Variants in SPIRE2 observed in about 807,000 individuals in gnomAD.
The protein encoded by SPIRE2 is spire type actin nucleation factor 2.
SPIRE2 carries 76 observed loss-of-function variants against 80.7 expected under a neutral mutation model. The ratio of observed to expected loss-of-function variants is 0.94; its 90% CI spans 0.78 to 1.14. SPIRE2 has a LOEUF of 1.14. SPIRE2 is among the 50% of genes most tolerant of loss of function. SPIRE2 has a pLI of 0.00. For missense variants in SPIRE2, 1,196 were observed against 1,015.3 expected (o/e 1.18, Z -2.42); for synonymous variants, 535 against 432.6 (o/e 1.24, Z -2.94).
intron 2 of SPIRE2, among the ~76,000 whole-genome samples, chr16:89,847,584 C>G (rs2041575118): frequency 6.6e-6 from 1 of 152,176 alleles, no homozygotes; most frequent in Non-Finnish European, 1.5e-5. Context: ...ATCGCCCTGT[C>G]CCCAGGAAAG....
intron 10 of SPIRE2, among the ~76,000 whole-genome samples, chr16:89,861,456 C>T (rs1035381935): frequency 4.6e-5 from 7 of 152,204 alleles, no homozygotes; most frequent in Admixed American, 6.5e-5. Flanking sequence ...AGGCACTGTG[C>T]GTATCCCCAC....
chr16:89,869,031 T>TAAAAAAAAAAAAAAAAAA (rs766356633), intron 13 of SPIRE2, among the ~76,000 whole-genome samples: 1 of 23,972 alleles, frequency 4.2e-5, no homozygotes, highest in Non-Finnish European at 5.9e-5. Flanking sequence ...ATCTGTGTCT[T>TAAAAAAAAAAAAAAAAAA]AAAAAAAAAA....
chr16:89,869,054 ATATAT>A (rs1451105074), intron 13 of SPIRE2, among the ~76,000 whole-genome samples: 3 of 48,462 alleles, frequency 6.2e-5, no homozygotes, highest in African/African-American at 2.1e-4. Context: ...AAAAAAAAAA[ATATAT>A]ATATATATAT....
intron 9 of SPIRE2, among the ~76,000 whole-genome samples, 176 bp from the exon 10 acceptor site, chr16:89,860,507 G>T (rs1045638612): frequency 1.3e-5 from 2 of 151,992 alleles, no homozygotes; most frequent in Non-Finnish European, 2.9e-5. Flanking sequence ...GGTTCCACCC[G>T]CCTCGGCCTC....
chr16:89,859,007 C>T (rs976910336), intron 8 of SPIRE2, among the ~76,000 whole-genome samples, 158 bp from the exon 9 acceptor site: 10 of 152,176 alleles, frequency 6.6e-5, no homozygotes, highest in African/African-American at 2.2e-4. Context: ...GTGCTTGCCA[C>T]GAACTGTCCA....
At chr16:89,843,682 T>G (rs1248062867) in intron 1 of SPIRE2, among the ~76,000 whole-genome samples, 1 of 18,556 alleles carries the variant, frequency 5.4e-5, no homozygotes, top group Non-Finnish European at 8.8e-5. Flanking sequence ...TTTTTTTTTG[T>G]TTGTTTTTGT....
At chr16:89,851,051 C>T (rs572074756) in intron 3 of SPIRE2, among the ~76,000 whole-genome samples, 2 of 152,192 alleles carry the variant, frequency 1.3e-5, no homozygotes, top group South Asian at 2.1e-4. Flanking sequence ...GAACTCCTGA[C>T]CTCAGGTGAT....
At position 89,828,809 on chromosome 16, in the gene SPIRE2, G is replaced by A. The variant is rs1056604013; in HGVS notation, c.244+15G>A. ...CGAGGCCGCGGGTGAGGCCGGGGGCGGGGCAGCCGGCGGGGACCGCGGTCT... is the reference window on the plus strand; with the variant it reads ...CGAGGCCGCGGGTGAGGCCGGGGGCAGGGCAGCCGGCGGGGACCGCGGTCT... On this transcript the variant is annotated intron_variant, in intron 1 of 14. Transcript: ENST00000378247. The surrounding 1 kb of genome is among the most constrained non-coding windows in gnomAD (Gnocchi z 5.9). 55 of 1,176,690 alleles carry A rather than the reference G, an allele frequency of 4.7e-5. No individual in the cohort carries two copies. The African/African-American group carries it at 8.5e-4, about 18-fold the overall frequency. The allele number at this position is 1,176,690 out of a possible 1,614,324, so 72.9% of individuals were successfully genotyped here.
chr16:89,844,891 C>T (rs1409424123), intron 1 of SPIRE2, among the ~76,000 whole-genome samples: 1 of 152,210 alleles, frequency 6.6e-6, no homozygotes, highest in Non-Finnish European at 1.5e-5. Flanking sequence ...CCTCCTACTC[C>T]ACCTGCCCCT....
At chr16:89,866,382 C>G (rs987884681) in intron 12 of SPIRE2, among the ~76,000 whole-genome samples, 3 of 152,140 alleles carry the variant, frequency 2.0e-5, no homozygotes, top group African/African-American at 7.2e-5. Flanking sequence ...ACTGCAACCT[C>G]TGCCTCCCAG....
At chr16:89,829,447 T>C (rs1278293456) in intron 1 of SPIRE2, among the ~76,000 whole-genome samples, 1 of 152,242 alleles carries the variant, frequency 6.6e-6, no homozygotes, top group Non-Finnish European at 1.5e-5. Flanking sequence ...AAGTGATTTC[T>C]TCCCTGGAGA....
rs371048698 is a variant in SPIRE2 at position 89,869,686 on chromosome 16, C to T, written c.1922+4C>T. ...TCCAGAGAAGAGACATCTTTCAGTG[C>T]GTTCTTCGCCTTGCTGCTGATGTCA... is the stretch of plus-strand genomic sequence containing the variant. On this transcript the variant is annotated splice_donor_region_variant and intron_variant, in intron 14 of 14. Coordinates refer to ENST00000378247, the MANE Select transcript of SPIRE2 (RefSeq NM_032451.2). 4.2e-5 allele frequency: 68 copies of T among 1,604,234 alleles called. No homozygotes were observed. Among genetic ancestry groups the T allele is most frequent in the African/African-American group, 5.3e-5 (4 of 74,852 alleles).
Position 89,850,647 on chromosome 16 carries a change from GGGAGGCCAA to G in SPIRE2, c.638_645+1del, listed in dbSNP as rs750116921. The G allele has an allele frequency of 1.9e-5, 28 of 1,500,408 alleles. No homozygotes were observed. The highest frequency in any genetic ancestry group is 2.5e-5 in the Non-Finnish European group (28 of 1,131,110). 92.9% of individuals were successfully genotyped at this position (1,500,408 alleles called of 1,614,324 possible). A position where few individuals can be genotyped will look rare whatever the true frequency, so the allele number is the denominator to read the frequency against. ...CTGCGGGCCTTCCTGGCCAGGGTCC[GGGAGGCCAA>G]GGAGGTGAGCGGTGGGTGGGGGCGA... On this transcript the variant is annotated inframe_deletion, in exon 3 of 15. Coordinates refer to ENST00000378247, the MANE Select transcript of SPIRE2 (RefSeq NM_032451.2).
At chr16:89,841,017 T>A (rs1241630390) in intron 1 of SPIRE2, among the ~76,000 whole-genome samples, 3 of 151,940 alleles carry the variant, frequency 2.0e-5, no homozygotes, top group Non-Finnish European at 4.4e-5. Context: ...TCATTTGTTA[T>A]TTTACACAAA....
chr16:89,836,287 G>C (rs2041448628), intron 1 of SPIRE2: 1 of 455,838 alleles, frequency 2.2e-6, no homozygotes. Context: ...GCCACTGTAA[G>C]CTCCTCTCGG....
At chr16:89,834,840 C>A in intron 1 of SPIRE2, among the ~76,000 whole-genome samples, 1 of 84,266 alleles carries the variant, frequency 1.2e-5, no homozygotes, top group South Asian at 4.1e-4. Flanking sequence ...CGTAGAAGGC[C>A]CCATAAGCAT....
chr16:89,853,845 A>T (rs960367857), intron 3 of SPIRE2, among the ~76,000 whole-genome samples: 2 of 152,186 alleles, frequency 1.3e-5, no homozygotes, highest in Non-Finnish European at 2.9e-5. Flanking sequence ...GTTTCCCTGG[A>T]CTTGCCAGGC....
intron 2 of SPIRE2, chr16:89,850,078 C>T (rs1383277843): frequency 3.6e-5 from 24 of 664,302 alleles, no homozygotes; most frequent in Admixed American, 1.0e-4. Context: ...CCTCGTGATC[C>T]GCCCGCCTCG....
intron 12 of SPIRE2, among the ~76,000 whole-genome samples, chr16:89,865,251 C>T (rs1199873248): frequency 6.6e-6 from 1 of 152,208 alleles, no homozygotes; most frequent in East Asian, 1.9e-4. Flanking sequence ...CAGGATCTGC[C>T]CACCTCTGCC....
Sources: gnomAD v4.1 joint callset for allele counts (sites outside exome capture counted in the v4.1 genomes callset) on GRCh38, gnomAD v4.1.1 for gene constraint, Gnocchi (gnomAD v3.1) non-coding constraint, MANE v1.5 for transcripts, NCBI Gene and HGNC (gene_info 2026-07-23, HGNC 2026-07-21) for gene names.